ANKRD46: variants seen among roughly 807,000 people sequenced by gnomAD.
The protein encoded by ANKRD46 is ankyrin repeat domain 46.
Under a neutral mutation model 19.8 loss-of-function variants are expected in ANKRD46, and 13 were observed. The observed-to-expected ratio is 0.66, with a 90% CI of 0.43 to 1.04. ANKRD46 has a LOEUF of 1.04. ANKRD46 is among the 50% of genes least tolerant of loss of function. The probability of loss-of-function intolerance (pLI) is 0.00; values close to 1 mark genes in which losing one functional copy is unlikely to be tolerated. For missense variants in ANKRD46, 185 were observed against 274.8 expected (o/e 0.67, Z 2.31); for synonymous variants, 91 against 106.9 (o/e 0.85, Z 0.92).
intron 1 of ANKRD46, among the ~76,000 whole-genome samples, chr8:100,552,305 C>T (rs1359688876): frequency 6.6e-6 from 1 of 151,848 alleles, no homozygotes; most frequent in South Asian, 2.1e-4. Flanking sequence ...AAAACAGCTA[C>T]AGCCTCACTC....
At chr8:100,519,965 G>A (rs1381821660), downstream of ANKRD46, among the ~76,000 whole-genome samples, 1 of 152,214 alleles carries the variant, frequency 6.6e-6, no homozygotes, top group Non-Finnish European at 1.5e-5. Context: ...ATGCTCTGTA[G>A]ACAGATGGGG....
chr8:100,518,275 CATAAATTAT>C (rs1012018026), downstream of ANKRD46, among the ~76,000 whole-genome samples: 3 of 152,076 alleles, frequency 2.0e-5, no homozygotes, highest in Non-Finnish European at 4.4e-5. Context: ...AATGATTTCA[CATAAATTAT>C]GTAATAGAAA....
rs56837280 is a variant in ANKRD46 at position 100,524,752 on chromosome 8, T to A, written c.471-1981A>T. On this transcript the variant is annotated intron_variant, in intron 4 of 4. Transcript: ENST00000335659. This position sits in a 1 kb window ranked among gnomAD's most constrained non-coding sequence, Gnocchi z 4.3. ...GCCCTTATACATGTTAGGTATAAAA[T>A]GAAAATTCCATGAGCATTCTCATTG... Among the ~76,000 whole-genome samples, 1 of 152,228 alleles carries A rather than the reference T, an allele frequency of 6.6e-6. No individual in the cohort carries two copies. Among genetic ancestry groups the A allele is most frequent in the South Asian group, 2.1e-4 (1 of 4,828 alleles).
intron 2 of ANKRD46, among the ~76,000 whole-genome samples, chr8:100,530,795 T>C (rs1487010340): frequency 1.3e-5 from 2 of 152,226 alleles, no homozygotes; most frequent in African/African-American, 4.8e-5. Flanking sequence ...CTTATTCTGC[T>C]GTGCTCTGTG....
rs1812023747 is a variant in ANKRD46 at position 100,534,463 on chromosome 8, T to C, written c.-130-1152A>G. ...ACGAACTTCATATCACGGAGCCACT[T>C]ACCTTGATTTCCTTAAACAAATATT... On this transcript the variant is annotated intron_variant, in intron 1 of 4. Coordinates refer to ENST00000335659, the MANE Select transcript of ANKRD46 (RefSeq NM_001270377.2). This position sits in a 1 kb window ranked among gnomAD's most constrained non-coding sequence, Gnocchi z 4.2. Among the ~76,000 whole-genome samples, 1 of 152,234 alleles carries C rather than the reference T, an allele frequency of 6.6e-6. No individual in the cohort carries two copies. Among genetic ancestry groups the C allele is most frequent in the African/African-American group, 2.4e-5 (1 of 41,454 alleles).
intron 3 of ANKRD46, among the ~76,000 whole-genome samples, chr8:100,528,322 T>C (rs565486091): frequency 6.6e-6 from 1 of 152,268 alleles, no homozygotes; most frequent in African/African-American, 2.4e-5. Context: ...ACACTGAATG[T>C]CTCCTCAACA....
Position 100,545,134 on chromosome 8 carries a change from G to A in ANKRD46, c.-130-11823C>T, listed in dbSNP as rs1238316076. Reference sequence around the variant, plus strand: ...GAGCCCAGGCATTCGAGACAAGCCTGGGCAACACAGTGAGACCTTGTCTCT... The same window carrying A: ...GAGCCCAGGCATTCGAGACAAGCCTAGGCAACACAGTGAGACCTTGTCTCT... On this transcript the variant is annotated intron_variant, in intron 1 of 4. Transcript: ENST00000335659. This position sits in a 1 kb window ranked among gnomAD's most constrained non-coding sequence, Gnocchi z 4.7. Among the ~76,000 whole-genome samples, 1 of 152,126 alleles carries A rather than the reference G, an allele frequency of 6.6e-6. No homozygotes were observed. The highest frequency in any genetic ancestry group is 2.4e-5 in the African/African-American group (1 of 41,414).
In ANKRD46 at chr8:100,525,223, A is replaced by C. The variant is rs1358831617; in HGVS notation, c.471-2452T>G. 2.0e-5 allele frequency among the ~76,000 whole-genome samples: 3 copies of C among 152,182 alleles called. No homozygotes were observed. Among genetic ancestry groups the C allele is most frequent in the Non-Finnish European group, 1.5e-5 (1 of 68,018 alleles). On this transcript the variant is annotated intron_variant, in intron 4 of 4. Transcript: ENST00000335659. This position sits in a 1 kb window ranked among gnomAD's most constrained non-coding sequence, Gnocchi z 4.4. ...ATGCCATAATGCCATGTGCTAGCCA[A>C]TCTCTTTAAACTTTTTCATCTACAT...
intron 1 of ANKRD46, chr8:100,551,281 T>C: frequency 2.0e-6 from 1 of 502,766 alleles, no homozygotes; most frequent in Non-Finnish European, 3.7e-6. Flanking sequence ...TTGCTGATGA[T>C]CTTGAGGCTG....
At chr8:100,554,183 G>T (rs1812448877) in intron 1 of ANKRD46, among the ~76,000 whole-genome samples, 1 of 152,140 alleles carries the variant, frequency 6.6e-6, no homozygotes, top group Non-Finnish European at 1.5e-5. Flanking sequence ...ACATGTTTTG[G>T]TCTTGGAATT....
chr8:100,544,799 T>C lies in ANKRD46; in HGVS notation c.-130-11488A>G, dbSNP rs79358589. On this transcript the variant is annotated intron_variant, in intron 1 of 4. Coordinates refer to ENST00000335659, the MANE Select transcript of ANKRD46 (RefSeq NM_001270377.2). The surrounding 1 kb of genome is among the most constrained non-coding windows in gnomAD (Gnocchi z 4.4). ...AATATAAGATGCTATATATTTTTTC[T>C]TAGTTTCTTATTCCACATCTTGGTA... Among the ~76,000 whole-genome samples the C allele has an allele frequency of 0.024, 3,721 of 152,280 alleles. 162 individuals carry two copies. The highest frequency in any genetic ancestry group is 0.082 in the African/African-American group (3,424 of 41,540).
downstream of ANKRD46, among the ~76,000 whole-genome samples, chr8:100,519,005 G>A (rs762866291): frequency 1.4e-4 from 21 of 152,298 alleles, no homozygotes; most frequent in Middle Eastern, 3.4e-3. Context: ...AATCATGTGG[G>A]ATTTAGAACA....
At chr8:100,554,152 T>C (rs1293219608) in intron 1 of ANKRD46, among the ~76,000 whole-genome samples, 1 of 152,192 alleles carries the variant, frequency 6.6e-6, no homozygotes, top group Non-Finnish European at 1.5e-5. Flanking sequence ...ATCAAATTGG[T>C]GTATATCTCC....
At chr8:100,551,138 T>C (rs184116631) in intron 1 of ANKRD46, 4 of 459,602 alleles carry the variant, frequency 8.7e-6, no homozygotes, top group South Asian at 7.3e-5. Context: ...TATGCCACAG[T>C]TTCCCACAGA....
downstream of ANKRD46, chr8:100,520,769 T>G: frequency 1.1e-6 from 1 of 905,632 alleles, no homozygotes; most frequent in Non-Finnish European, 1.3e-6. Flanking sequence ...AGAGAAATCG[T>G]GATTAAGGGA....
intron 5 of ANKRD46, among the ~76,000 whole-genome samples, chr8:100,514,667 G>C (rs1811600487): frequency 8.5e-6 from 1 of 118,266 alleles, no homozygotes. Flanking sequence ...TGTCACCCAG[G>C]CTGGAGTGCA....
chr8:100,522,262 T>A lies in ANKRD46; in HGVS notation c.*293A>T. The stretch of plus-strand genomic sequence containing the variant: ...AGCAAGGACTTCCTAGCTTCTTCCT[T>A]TATCTTCCATTCTCTAGTCACTTCC... On this transcript the variant is annotated 3_prime_UTR_variant, in exon 5 of 5. Transcript: ENST00000335659. The A allele has an allele frequency of 8.6e-7, 1 of 1,167,166 alleles. No individual in the cohort carries two copies. Among genetic ancestry groups the A allele is most frequent in the Non-Finnish European group, 1.1e-6 (1 of 942,312 alleles). The allele number at this position is 1,167,166 out of a possible 1,614,324, so 72.3% of individuals were successfully genotyped here.
chr8:100,519,053 A>C (rs1320006319), downstream of ANKRD46, among the ~76,000 whole-genome samples: 1 of 152,152 alleles, frequency 6.6e-6, no homozygotes, highest in African/African-American at 2.4e-5. Flanking sequence ...GCACTGTGGG[A>C]TGTAAAACAA....
rs16898492 is a variant in ANKRD46 at position 100,522,807 on chromosome 8, A to G, written c.471-36T>C. Reference sequence around the variant, plus strand: ...AGAAAGAGCAAAAAGGGCATTAAAAAAACACAGCAATTCCAAAAACATAAA... The same window carrying G: ...AGAAAGAGCAAAAAGGGCATTAAAAGAACACAGCAATTCCAAAAACATAAA... On this transcript the variant is annotated intron_variant, in intron 4 of 4. Transcript: ENST00000335659. The G allele has an allele frequency of 1.4e-3, 2,195 of 1,590,396 alleles. 31 individuals carry two copies. The African/African-American group carries it at 0.026, about 19-fold the overall frequency.
Sources: gnomAD v4.1 joint callset for allele counts (sites outside exome capture counted in the v4.1 genomes callset) on GRCh38, gnomAD v4.1.1 for gene constraint, Gnocchi (gnomAD v3.1) non-coding constraint, MANE v1.5 for transcripts, NCBI Gene and HGNC (gene_info 2026-07-23, HGNC 2026-07-21) for gene names.